Variants in ZMYM2 observed in about 807,000 individuals in gnomAD.
ZMYM2 encodes zinc finger MYM-type protein 2.
A neutral mutation model predicts 162.8 loss-of-function variants in ZMYM2; 56 were observed. That is an observed-to-expected ratio of 0.34 (90% CI 0.28 to 0.43). ZMYM2 has a LOEUF of 0.43. Ranked by LOEUF, ZMYM2 falls within the 20% of genes least tolerant of loss-of-function variation. The pLI is 1.00. For synonymous variants in ZMYM2, 510 were observed against 541.6 expected, an observed-to-expected ratio of 0.94 and a Z score of 0.81; for missense variants, 1,275 against 1,621.8, an observed-to-expected ratio of 0.79 and a Z score of 3.67.
the ZMYM2 span, among the ~76,000 whole-genome samples, chr13:19,947,971 A>G: frequency 6.6e-6 from 1 of 150,744 alleles, no homozygotes; most frequent in Non-Finnish European, 1.5e-5. Flanking sequence ...TTGTGGGATG[A>G]CAGAAATGTT....
chr13:19,875,795 G>A, the ZMYM2 span, among the ~76,000 whole-genome samples: 1 of 151,906 alleles, frequency 6.6e-6, no homozygotes, highest in South Asian at 2.1e-4. Flanking sequence ...TATAAAGATA[G>A]GAACAATAGA....
At chr13:19,944,962 C>T in the ZMYM2 span, among the ~76,000 whole-genome samples, 2 of 151,250 alleles carry the variant, frequency 1.3e-5, no homozygotes, top group African/African-American at 4.9e-5. Flanking sequence ...TGAACCACTG[C>T]GCCCGGCCCC....
chr13:20,087,462 G>A lies in ZMYM2; in HGVS notation c.*1448G>A, dbSNP rs1958341615. 5.3e-6 allele frequency: 1 copy of A among 188,238 alleles called. No homozygotes were observed. The highest frequency in any genetic ancestry group is 6.2e-5 in the Admixed American group (1 of 16,182). 11.7% of individuals were successfully genotyped at this position (188,238 alleles called of 1,614,324 possible). ...TTCTTCTGATTCCTGAATGACCATG[G>A]TAGCATTAGTGTTTAGAAATTGTTC... On this transcript the variant is annotated 3_prime_UTR_variant, in exon 25 of 25. Transcript: ENST00000610343.
chr13:19,989,202 T>G (rs1949412656), intron 2 of ZMYM2, among the ~76,000 whole-genome samples: 1 of 152,242 alleles, frequency 6.6e-6, no homozygotes, highest in Non-Finnish European at 1.5e-5. Flanking sequence ...AGTAATTTTC[T>G]TTGTGTTCTC....
intron 2 of ZMYM2, among the ~76,000 whole-genome samples, chr13:19,991,723 C>T (rs1208803417): frequency 2.0e-5 from 3 of 151,672 alleles, no homozygotes; most frequent in Non-Finnish European, 2.9e-5. Context: ...CTCAAACTCC[C>T]GGCCTCAGAT....
At chr13:20,024,119 G>A (rs1952363269) in intron 7 of ZMYM2, among the ~76,000 whole-genome samples, 1 of 151,994 alleles carries the variant, frequency 6.6e-6, no homozygotes, top group South Asian at 2.1e-4. Flanking sequence ...ATTTTTAGTA[G>A]AGACGGGGTT....
At chr13:19,884,861 C>G in the ZMYM2 span, among the ~76,000 whole-genome samples, 1 of 151,854 alleles carries the variant, frequency 6.6e-6, no homozygotes, top group African/African-American at 2.4e-5. Flanking sequence ...ATCACAATTG[C>G]GGGTGCGGGT....
chr13:19,928,112 C>T, the ZMYM2 span, among the ~76,000 whole-genome samples: 1 of 152,090 alleles, frequency 6.6e-6, no homozygotes, highest in South Asian at 2.1e-4. Context: ...CTCAAGCCAT[C>T]CTCCCACCTC....
intron 2 of ZMYM2, among the ~76,000 whole-genome samples, chr13:19,978,573 C>G (rs935303572): frequency 6.6e-6 from 1 of 152,018 alleles, no homozygotes; most frequent in African/African-American, 2.4e-5. Flanking sequence ...TGTGCCACCA[C>G]GCCAGCTAAT....
chr13:20,082,231 T>C, intron 22 of ZMYM2, 101 bp downstream of exon 22: 1 of 892,516 alleles, frequency 1.1e-6, no homozygotes, highest in Non-Finnish European at 1.7e-6. Flanking sequence ...TTAAATTAGA[T>C]AACATTTTCT....
intron 16 of ZMYM2, among the ~76,000 whole-genome samples, chr13:20,060,071 A>G (rs1463326776): frequency 3.3e-5 from 5 of 152,140 alleles, no homozygotes; most frequent in Non-Finnish European, 5.9e-5. Flanking sequence ...GAGGATGTGA[A>G]ATCTGTGTAG....
At chr13:20,016,372 T>C (rs1030759294) in intron 6 of ZMYM2, among the ~76,000 whole-genome samples, 1 of 152,176 alleles carries the variant, frequency 6.6e-6, no homozygotes, top group South Asian at 2.1e-4. Flanking sequence ...CATATTTGTC[T>C]TTAAAATCAT....
the ZMYM2 span, among the ~76,000 whole-genome samples, chr13:19,915,596 C>T: frequency 5.9e-5 from 9 of 152,072 alleles, no homozygotes; most frequent in Middle Eastern, 3.4e-3. Context: ...ATCCGCCCCC[C>T]GGGTTCAAGC....
At chr13:20,072,182 C>G (rs565124659) in intron 21 of ZMYM2, 1 of 153,176 alleles carries the variant, frequency 6.5e-6, no homozygotes, top group African/African-American at 2.4e-5. Flanking sequence ...TGAAAGTTCT[C>G]TTGTCTTTAC....
At chr13:20,068,021 G>T (rs777011467) in intron 21 of ZMYM2, 1 of 168,490 alleles carries the variant, frequency 5.9e-6, no homozygotes, top group Non-Finnish European at 1.3e-5. Context: ...GTTAGATAAT[G>T]AAGTAAATCA....
the ZMYM2 span, among the ~76,000 whole-genome samples, chr13:19,882,105 G>T: frequency 2.0e-5 from 3 of 151,918 alleles, no homozygotes; most frequent in African/African-American, 7.3e-5. Context: ...AAACACAGAA[G>T]CAAATCTTCA....
intron 13 of ZMYM2, 130 bp downstream of exon 13, chr13:20,051,728 C>G: frequency 6.5e-6 from 6 of 917,082 alleles, no homozygotes; most frequent in Non-Finnish European, 6.2e-6. Flanking sequence ...TCCGTAGATT[C>G]TCTGGGTCGA....
chr13:19,944,799 T>C, the ZMYM2 span, among the ~76,000 whole-genome samples: 174 of 152,138 alleles, frequency 1.1e-3, no homozygotes, highest in African/African-American at 4.1e-3. Context: ...GCCTCCCATG[T>C]AGCTGGGATT....
At chr13:20,001,658 A>C (rs930435536) in intron 3 of ZMYM2, among the ~76,000 whole-genome samples, 2 of 152,192 alleles carry the variant, frequency 1.3e-5, no homozygotes, top group African/African-American at 2.4e-5. Flanking sequence ...TAGTGTGGGT[A>C]AACTGCTGTC....
Sources: gnomAD v4.1 joint callset for allele counts (sites outside exome capture counted in the v4.1 genomes callset) on GRCh38, gnomAD v4.1.1 for gene constraint, MANE v1.5 for transcripts, NCBI Gene and HGNC (gene_info 2026-07-23, HGNC 2026-07-21) for gene names.